Variants in DNAJC11 observed in about 807,000 individuals in gnomAD.
The protein encoded by DNAJC11 is DnaJ heat shock protein family (Hsp40) member C11.
In DNAJC11, 15 loss-of-function variants were observed where a neutral mutation model predicts 78.6. The ratio of observed to expected loss-of-function variants is 0.19; its 90% CI spans 0.13 to 0.29. The LOEUF (loss-of-function observed/expected upper bound fraction) is 0.29, where lower values mean the gene tolerates loss of function less well. Ranked by LOEUF, DNAJC11 falls within the 10% of genes least tolerant of loss-of-function variation. DNAJC11 has a pLI of 1.00. For missense variants in DNAJC11, 547 were observed against 709.6 expected (o/e 0.77, Z 2.60); for synonymous variants, 292 against 272.1 (o/e 1.07, Z -0.72).
chr1:6,641,388 A>AT lies in DNAJC11; in HGVS notation c.1098-1332_1098-1331insA, dbSNP rs56162109. ...CGAAACTCCGTCTCCAAAAAAAAAA[A>AT]AAATATATATATATATATACACACA... On this transcript the variant is annotated intron_variant, in intron 10 of 15. Transcript: ENST00000377577. 3.0e-3 allele frequency among the ~76,000 whole-genome samples: 339 copies of AT among 114,356 alleles called. 5 individuals are homozygous for AT. The highest frequency in any genetic ancestry group is 8.5e-3 in the African/African-American group (270 of 31,680). The allele number at this position is 114,356 out of a possible 152,430, so 75.0% of individuals were successfully genotyped here.
chr1:6,645,484 C>T lies in DNAJC11; in HGVS notation c.894+305G>A, dbSNP rs1641950885. On this transcript the variant is annotated intron_variant, in intron 8 of 15. Transcript: ENST00000377577. This position sits in a 1 kb window ranked among gnomAD's most constrained non-coding sequence, Gnocchi z 4.1. ...CACAGGGGCGTCCGAGGGCATGATT[C>T]TGCTATGGGGCTTCATCTGCCCGCC... Among the ~76,000 whole-genome samples the T allele has an allele frequency of 1.3e-5, 2 of 152,250 alleles. No individual in the cohort carries two copies. The highest frequency in any genetic ancestry group is 4.8e-5 in the African/African-American group (2 of 41,476).
intron 11 of DNAJC11, among the ~76,000 whole-genome samples, chr1:6,638,570 G>A (rs1453299654): frequency 1.3e-5 from 2 of 152,190 alleles, no homozygotes; most frequent in Non-Finnish European, 1.5e-5. Context: ...ATCCTTAGAT[G>A]GCTCTGCCCC....
chr1:6,639,009 C>T (rs1231545408), intron 11 of DNAJC11, among the ~76,000 whole-genome samples: 1 of 152,154 alleles, frequency 6.6e-6, no homozygotes, highest in Non-Finnish European at 1.5e-5. Flanking sequence ...GCCAGACGGG[C>T]CCAGAAGAGG....
At chr1:6,679,426 C>G (rs569507963) in intron 2 of DNAJC11, among the ~76,000 whole-genome samples, 32 of 152,304 alleles carry the variant, frequency 2.1e-4, no homozygotes, top group African/African-American at 1.7e-4. Context: ...GATATCCCAA[C>G]TGAACGATAT....
intron 7 of DNAJC11, among the ~76,000 whole-genome samples, chr1:6,650,802 G>A (rs1003847282): frequency 2.0e-5 from 3 of 151,876 alleles, no homozygotes; most frequent in African/African-American, 7.3e-5. Context: ...GAACCCAGGA[G>A]GCAGAGGCTG....
rs1242153969 is a variant in DNAJC11 at position 6,639,837 on chromosome 1, T to C, written c.1253+65A>G. The C allele has an allele frequency of 1.9e-6, 3 of 1,548,362 alleles. No homozygotes were observed. The East Asian group carries it at 6.8e-5, about 35-fold the overall frequency. On this transcript the variant is annotated intron_variant, in intron 11 of 15. Transcript: ENST00000377577. ...GCAGGAGGCTCTGTTATCCTCTCCA[T>C]TTTAAGGGTGAGGAAACTGAGGCAC...
At chr1:6,644,968 C>A in intron 9 of DNAJC11, 73 bp downstream of exon 9, 1 of 1,406,522 alleles carries the variant, frequency 7.1e-7, no homozygotes. Context: ...AGGTGTCTTA[C>A]ACCAACTGGT....
Position 6,667,818 on chromosome 1 carries a change from C to T in DNAJC11, c.277-8G>A, listed in dbSNP as rs1347503520. On this transcript the variant is annotated splice_region_variant and splice_polypyrimidine_tract_variant and intron_variant, in intron 3 of 15. Coordinates refer to ENST00000377577, the MANE Select transcript of DNAJC11 (RefSeq NM_018198.4). ...TCTCCTCCTTTCCACAACCTATGCA[C>T]AGAATCAAGATGGGAAGACAGTTGA... 21 of 1,612,772 alleles carry T rather than the reference C, an allele frequency of 1.3e-5. No individual in the cohort carries two copies. Among genetic ancestry groups the T allele is most frequent in the Middle Eastern group, 1.8e-4 (1 of 5,622 alleles).
chr1:6,644,786 AC>A, intron 9 of DNAJC11, 112 bp from the exon 10 acceptor site: 1 of 937,442 alleles, frequency 1.1e-6, no homozygotes. Flanking sequence ...AGCCTCCTCG[AC>A]CCCCAGGGAG....
At chr1:6,700,404 G>A (rs575548287) in intron 1 of DNAJC11, among the ~76,000 whole-genome samples, 39 of 152,286 alleles carry the variant, frequency 2.6e-4, no homozygotes, top group South Asian at 4.1e-4. Context: ...ACACGGACGC[G>A]CGTGACACTC....
intron 2 of DNAJC11, among the ~76,000 whole-genome samples, chr1:6,679,599 T>G (rs187605724): frequency 2.1e-4 from 32 of 152,302 alleles, no homozygotes; most frequent in South Asian, 4.1e-4. Context: ...TAATCAAATC[T>G]AACGGGAAAG....
chr1:6,668,467 A>C (rs762564682), intron 3 of DNAJC11, among the ~76,000 whole-genome samples: 3 of 152,104 alleles, frequency 2.0e-5, no homozygotes, highest in Non-Finnish European at 4.4e-5. Context: ...TAAATTTCCT[A>C]ATGAATCTCA....
chr1:6,638,474 C>T (rs916159700), intron 11 of DNAJC11, 110 bp from the exon 12 acceptor site: 4 of 967,640 alleles, frequency 4.1e-6, no homozygotes, highest in Non-Finnish European at 6.0e-6. Context: ...TGTGATCTTA[C>T]TGGAGTTCAG....
At chr1:6,661,447 G>A (rs574257760) in intron 4 of DNAJC11, among the ~76,000 whole-genome samples, 15 of 152,138 alleles carry the variant, frequency 9.9e-5, no homozygotes, top group Non-Finnish European at 1.6e-4. Flanking sequence ...ACAGCCCTCC[G>A]ACGGATACTC....
chr1:6,678,938 T>C (rs1309959191), intron 2 of DNAJC11, among the ~76,000 whole-genome samples: 2 of 152,148 alleles, frequency 1.3e-5, no homozygotes, highest in Non-Finnish European at 2.9e-5. Flanking sequence ...TGTGAGCCAC[T>C]GCACCCAGCT....
chr1:6,637,226 G>A lies in DNAJC11; in HGVS notation c.1496C>T (p.Ser499Leu), dbSNP rs1553126523. The change falls in exon 14 of 16, where the codon TCG becomes TTG. Residue 499 changes from serine (S) to leucine (L), a missense_variant. Physicochemically the swap from Ser to Leu is moderately radical, Grantham distance 145 (BLOSUM62 -2). Coordinates refer to ENST00000377577, the MANE Select transcript of DNAJC11 (RefSeq NM_018198.4). ...GGAGGCCTCCGTGAGGATGAGCTTC[G>A]AGTCCTTCACCAGGCACTGCAGGGG... ...TVPLQCLVKD[S>L]KLILTEASKA... 1 of 1,614,060 alleles carries A rather than the reference G, an allele frequency of 6.2e-7. No homozygotes were observed. The highest frequency in any genetic ancestry group is 8.5e-7 in the Non-Finnish European group (1 of 1,180,018).
intron 11 of DNAJC11, 108 bp downstream of exon 11, chr1:6,639,794 G>T: frequency 2.4e-6 from 3 of 1,264,630 alleles, no homozygotes; most frequent in Non-Finnish European, 3.2e-6. Context: ...CTTAATTCAG[G>T]TTTCCTCATC....
chr1:6,643,425 G>T (rs932197450), intron 10 of DNAJC11, among the ~76,000 whole-genome samples: 4 of 151,806 alleles, frequency 2.6e-5, no homozygotes, highest in African/African-American at 9.7e-5. Flanking sequence ...ACAGGCGCCC[G>T]CCACCACGCC....
At chr1:6,693,279 G>A (rs927690162) in intron 1 of DNAJC11, among the ~76,000 whole-genome samples, 2 of 152,172 alleles carry the variant, frequency 1.3e-5, no homozygotes, top group Non-Finnish European at 2.9e-5. Context: ...AATATTACAA[G>A]TGGATAGCAA....
Sources: gnomAD v4.1 joint callset for allele counts (sites outside exome capture counted in the v4.1 genomes callset) on GRCh38, gnomAD v4.1.1 for gene constraint, Gnocchi (gnomAD v3.1) non-coding constraint, MANE v1.5 for transcripts, NCBI Gene and HGNC (gene_info 2026-07-23, HGNC 2026-07-21) for gene names.